The following FBXO15 variants were observed in gnomAD, a reference collection of about 807,000 sequenced individuals.
FBXO15 encodes F-box only protein 15.
FBXO15 carries 30 observed loss-of-function variants against 49.5 expected under a neutral mutation model. The observed-to-expected ratio is 0.61, with a 90% confidence interval of 0.45 to 0.82. FBXO15 has a LOEUF of 0.82. Among genes scored for constraint, FBXO15 ranks in the 40% least tolerant of loss-of-function variants. FBXO15 has a pLI of 0.00. For synonymous variants in FBXO15, 250 were observed against 232.7 expected (o/e 1.07, Z -0.68); for missense variants, 591 against 631.5 (o/e 0.94, Z 0.69).
chr18:74,095,666 T>C (rs1321494455), intron 8 of FBXO15, among the ~76,000 whole-genome samples: 4 of 152,058 alleles, frequency 2.6e-5, no homozygotes, highest in Non-Finnish European at 5.9e-5. Flanking sequence ...AATGAAAAAG[T>C]TTAAAACATT....
chr18:74,119,640 T>G, intron 8 of FBXO15, among the ~76,000 whole-genome samples: 1 of 151,916 alleles, frequency 6.6e-6, no homozygotes, highest in East Asian at 1.9e-4. Flanking sequence ...TCTGGGGCAG[T>G]AACACTGCAG....
In FBXO15 at chr18:74,115,203, G is replaced by A. The variant is rs567216419; in HGVS notation, c.1138+8165C>T. Among the ~76,000 whole-genome samples the A allele has an allele frequency of 3.3e-5, 5 of 152,254 alleles. No homozygotes were observed. In the South Asian group the frequency reaches 6.2e-4, roughly 19 times the overall value. On this transcript the variant is annotated intron_variant, in intron 8 of 9. Transcript: ENST00000419743. The stretch of plus-strand genomic sequence containing the variant: ...GTCAGAACTCAAAGCTAAGAGACAC[G>A]AGCTGTTGCCTCAAAATGGATGACT...
intron 9 of FBXO15, among the ~76,000 whole-genome samples, chr18:74,078,079 T>C (rs1376889165): frequency 6.6e-6 from 1 of 152,034 alleles, no homozygotes; most frequent in Non-Finnish European, 1.5e-5. Context: ...AAGGGCTCCT[T>C]GGTGAGGACG....
At chr18:74,096,934 CA>C (rs1913304430) in intron 8 of FBXO15, 1 of 152,350 alleles carries the variant, frequency 6.6e-6, no homozygotes, top group South Asian at 2.1e-4. Flanking sequence ...AAAGAGGAAT[CA>C]CCCACCCCGA....
chr18:74,147,538 T>A, intron 1 of FBXO15, 132 bp downstream of exon 1: 1 of 1,279,416 alleles, frequency 7.8e-7, no homozygotes. Flanking sequence ...CGTTCTTCCA[T>A]ACCCTTCTCA....
intron 8 of FBXO15, among the ~76,000 whole-genome samples, chr18:74,101,338 C>G (rs1345857917): frequency 6.6e-6 from 1 of 152,070 alleles, no homozygotes; most frequent in Non-Finnish European, 1.5e-5. Flanking sequence ...GCTGTAAAAG[C>G]ATTTGACAAA....
intron 8 of FBXO15, among the ~76,000 whole-genome samples, chr18:74,120,827 A>G (rs1327665248): frequency 6.6e-6 from 1 of 152,128 alleles, no homozygotes; most frequent in South Asian, 2.1e-4. Flanking sequence ...CAACATGCAA[A>G]TCAATGAAAT....
intron 1 of FBXO15, among the ~76,000 whole-genome samples, chr18:74,141,368 A>C (rs1979065265): frequency 6.6e-6 from 1 of 152,174 alleles, no homozygotes; most frequent in South Asian, 2.1e-4. Context: ...GCAACATACA[A>C]CACACAGGTA....
chr18:74,111,708 TA>T (rs1914039038), intron 8 of FBXO15, among the ~76,000 whole-genome samples: 2 of 151,966 alleles, frequency 1.3e-5, no homozygotes, highest in Admixed American at 1.3e-4. Flanking sequence ...TCAGTAAAAT[TA>T]AAAACAGAAG....
At chr18:74,093,202 C>T (rs543033811) in intron 8 of FBXO15, among the ~76,000 whole-genome samples, 1 of 146,738 alleles carries the variant, frequency 6.8e-6, no homozygotes, top group South Asian at 2.1e-4. Context: ...TGCACATACA[C>T]CCACATGCTG....
chr18:74,105,377 T>G (rs1913707338), intron 8 of FBXO15, among the ~76,000 whole-genome samples: 1 of 152,194 alleles, frequency 6.6e-6, no homozygotes, highest in African/African-American at 2.4e-5. Flanking sequence ...GTTATATAAA[T>G]GTATTATCAC....
chr18:74,084,427 G>A (rs1206669960), intron 8 of FBXO15, among the ~76,000 whole-genome samples: 1 of 152,244 alleles, frequency 6.6e-6, no homozygotes, highest in Non-Finnish European at 1.5e-5. Flanking sequence ...GCAGTGGCAG[G>A]GGCCTGCGCC....
At chr18:74,139,697 G>A (rs946711503) in intron 2 of FBXO15, among the ~76,000 whole-genome samples, 18 of 152,114 alleles carry the variant, frequency 1.2e-4, no homozygotes, top group African/African-American at 4.3e-4. Context: ...GCATATAATC[G>A]GTGTTCCATA....
intron 8 of FBXO15, among the ~76,000 whole-genome samples, chr18:74,114,953 T>C (rs62097019): frequency 0.087 from 13,316 of 152,242 alleles, 821 homozygotes; most frequent in Admixed American, 0.2. Context: ...TTTTATTCAC[T>C]ATCAGGTAGT....
chr18:74,137,744 G>T (rs1978810219), intron 2 of FBXO15, among the ~76,000 whole-genome samples: 1 of 152,172 alleles, frequency 6.6e-6, no homozygotes, highest in Non-Finnish European at 1.5e-5. Flanking sequence ...AGGGAGATAA[G>T]GGAAAGGGGA....
rs760673403 is a variant in FBXO15, at chr18:74,126,109, C to T, written c.786-8G>A. On this transcript the variant is annotated splice_region_variant and splice_polypyrimidine_tract_variant and intron_variant, in intron 5 of 9. Coordinates refer to ENST00000419743, the MANE Select transcript of FBXO15 (RefSeq NM_001142958.2). The stretch of plus-strand genomic sequence containing the variant: ...AAAGAATGCCATCGGAGTCTTTGAA[C>T]GTTATGCCAAGGAAAGGAGAGAGAG... 5.6e-6 allele frequency: 9 copies of T among 1,612,916 alleles called. No individual in the cohort carries two copies. The highest frequency in any genetic ancestry group is 1.7e-5 in the Admixed American group (1 of 59,984).
chr18:74,117,379 C>T (rs986782923), intron 8 of FBXO15, among the ~76,000 whole-genome samples: 6 of 152,116 alleles, frequency 3.9e-5, no homozygotes, highest in Admixed American at 2.0e-4. Context: ...AACGTTAACA[C>T]AAAATTGGCT....
chr18:74,129,574 C>A lies in FBXO15; in HGVS notation c.616G>T (p.Gly206Cys), dbSNP rs1377700197. The A allele has an allele frequency of 3.7e-6, 6 of 1,612,394 alleles. No individual in the cohort carries two copies. Among genetic ancestry groups the A allele is most frequent in the East Asian group, 2.2e-5 (1 of 44,822 alleles). ...TGCTCCATGATATATTCTTTTCCAC[C>A]TTTTTCTTTCAGTATAATTGCCCAA... ...LGWAIILKEK[G>C]GKEYIMEHVD... is the part of the protein sequence containing the mutation. The change falls in exon 5 of 10, where the codon GGT becomes TGT. Residue 206 changes from glycine (G) to cysteine (C), a missense_variant. Gly to Cys is a radical substitution (Grantham distance 159). Coordinates refer to ENST00000419743, the MANE Select transcript of FBXO15 (RefSeq NM_001142958.2).
In FBXO15 at chr18:74,081,920, T is replaced by C. The variant is rs1439828737; in HGVS notation, c.1263+7A>G. 3 of 1,531,362 alleles carry C rather than the reference T, an allele frequency of 2.0e-6. No individual in the cohort carries two copies. The East Asian group carries it at 7.1e-5, about 36-fold the overall frequency. The allele number at this position is 1,531,362 out of a possible 1,614,324, so 94.9% of individuals were successfully genotyped here. On this transcript the variant is annotated splice_region_variant and intron_variant, in intron 9 of 9. Coordinates refer to ENST00000419743, the MANE Select transcript of FBXO15 (RefSeq NM_001142958.2). ...ACTTGAAGAAAAGAAAACGGTTCTG[T>C]TTTTACCTTTATACAGCCATCAAAA...
Sources: allele counts gnomAD v4.1 joint callset (sites outside exome capture counted in the v4.1 genomes callset), GRCh38; gene constraint gnomAD v4.1.1; transcripts MANE v1.5; gene names NCBI Gene and HGNC (gene_info 2026-07-23, HGNC 2026-07-21).